L2HGDH: variants seen among roughly 807,000 people sequenced by gnomAD.
L2HGDH encodes the protein L-2-hydroxyglutarate dehydrogenase, also known as L-2-hydroxyglutarate dehydrogenase, mitochondrial.
L2HGDH carries 34 observed loss-of-function variants against 51.5 expected under a neutral mutation model. That is an observed-to-expected ratio of 0.66 (90% confidence interval 0.50 to 0.88). The LOEUF is 0.88. L2HGDH is among the 40% of genes least tolerant of loss of function. The pLI, the probability that L2HGDH is intolerant of heterozygous loss-of-function variation, is 0.00. For missense variants in L2HGDH, 558 were observed against 571.9 expected, an observed-to-expected ratio of 0.98 and a Z score of 0.25; for synonymous variants, 198 against 197.9, an observed-to-expected ratio of 1.00 and a Z score of -0.01.
At chr14:50,266,421 T>G (rs1208741519) in intron 8 of L2HGDH, among the ~76,000 whole-genome samples, 1 of 152,148 alleles carries the variant, frequency 6.6e-6, no homozygotes, top group Non-Finnish European at 1.5e-5. Flanking sequence ...GGCAGGTGGA[T>G]TGCTTGAGCC....
chr14:50,244,329 T>A lies in L2HGDH; in HGVS notation c.*2729A>T. 14 of 944,520 alleles carry A rather than the reference T, an allele frequency of 1.5e-5. No individual in the cohort carries two copies. Among genetic ancestry groups the A allele is most frequent in the Non-Finnish European group, 1.8e-5 (14 of 792,818 alleles). 58.5% of individuals were successfully genotyped at this position (944,520 alleles called of 1,614,324 possible). A position where few individuals can be genotyped will look rare whatever the true frequency, so the allele number is the denominator to read the frequency against. On this transcript the variant is annotated 3_prime_UTR_variant, in exon 10 of 10. Coordinates refer to ENST00000267436, the MANE Select transcript of L2HGDH (RefSeq NM_024884.3). ...GTAAAAGTGTTCCTATTTCTCCACA[T>A]CCTCTCCAGCACCTGTTGTTTCCTT...
At chr14:50,269,449 A>G (rs1889541262) in intron 6 of L2HGDH, 119 bp from the exon 7 acceptor site, 1 of 969,812 alleles carries the variant, frequency 1.0e-6, no homozygotes, top group African/African-American at 1.6e-5. Context: ...CTAAAAGAGG[A>G]TATTCAATAC....
chr14:50,282,365 C>T (rs1890322298), intron 5 of L2HGDH: 2 of 439,032 alleles, frequency 4.6e-6, no homozygotes, highest in Non-Finnish European at 9.1e-6. Flanking sequence ...CTCTTAGCTT[C>T]CACCTTCCTG....
intron 9 of L2HGDH, among the ~76,000 whole-genome samples, chr14:50,257,115 G>GT (rs1392187487): frequency 6.6e-6 from 1 of 152,012 alleles, no homozygotes; most frequent in Non-Finnish European, 1.5e-5. Context: ...TTTTAGTAAA[G>GT]ACGGGGTTTT....
intron 9 of L2HGDH, among the ~76,000 whole-genome samples, chr14:50,250,445 G>A (rs1888279622): frequency 6.6e-6 from 1 of 152,244 alleles, no homozygotes; most frequent in African/African-American, 2.4e-5. Context: ...ACTTTGTATT[G>A]TAGTGTGAGT....
intron 9 of L2HGDH, among the ~76,000 whole-genome samples, chr14:50,262,159 C>T (rs1016802599): frequency 2.0e-5 from 3 of 152,106 alleles, no homozygotes; most frequent in African/African-American, 7.2e-5. Context: ...CTTGGCCAGG[C>T]GCATTGGCTC....
intron 1 of L2HGDH, among the ~76,000 whole-genome samples, chr14:50,309,034 CT>C (rs2030896261): frequency 6.8e-6 from 1 of 147,330 alleles, no homozygotes; most frequent in South Asian, 2.2e-4. Context: ...TTTGAGAGTT[CT>C]TTATGTATTT....
At chr14:50,270,155 T>C (rs1056201542) in intron 6 of L2HGDH, among the ~76,000 whole-genome samples, 2 of 152,248 alleles carry the variant, frequency 1.3e-5, no homozygotes, top group South Asian at 2.1e-4. Flanking sequence ...GCACATTTAA[T>C]GAGAGCACAC....
At chr14:50,276,435 T>G (rs1197701537) in intron 6 of L2HGDH, among the ~76,000 whole-genome samples, 1 of 151,034 alleles carries the variant, frequency 6.6e-6, no homozygotes, top group African/African-American at 2.4e-5. Flanking sequence ...ATTCTTTTTT[T>G]ATTCCCATTG....
chr14:50,280,793 C>T (rs901828875), intron 5 of L2HGDH, among the ~76,000 whole-genome samples: 2 of 148,188 alleles, frequency 1.3e-5, no homozygotes, highest in African/African-American at 5.0e-5. Context: ...GGATTACAGG[C>T]GCGAGCCACT....
At chr14:50,283,089 T>C (rs1890366800) in intron 5 of L2HGDH, among the ~76,000 whole-genome samples, 1 of 151,778 alleles carries the variant, frequency 6.6e-6, no homozygotes, top group African/African-American at 2.4e-5. Context: ...TAGTTTCAGC[T>C]ACTTGGGCGG....
intron 8 of L2HGDH, among the ~76,000 whole-genome samples, chr14:50,267,487 T>C (rs889048267): frequency 6.6e-6 from 1 of 152,128 alleles, no homozygotes; most frequent in African/African-American, 2.4e-5. Context: ...CAGCCAGCCT[T>C]TTCTTTTTAA....
At chr14:50,302,569 A>G (rs2030474787) in intron 2 of L2HGDH, among the ~76,000 whole-genome samples, 1 of 152,132 alleles carries the variant, frequency 6.6e-6, no homozygotes, top group South Asian at 2.1e-4. Context: ...GAAATACTAC[A>G]TTGCTCCTCA....
At chr14:50,292,045 T>C (rs1209092849) in intron 4 of L2HGDH, among the ~76,000 whole-genome samples, 1 of 152,166 alleles carries the variant, frequency 6.6e-6, no homozygotes, top group Non-Finnish European at 1.5e-5. Context: ...TAAATAACAA[T>C]ACTATTAATG....
intron 4 of L2HGDH, chr14:50,293,156 G>A (rs2029869581): frequency 1.4e-6 from 1 of 692,692 alleles, no homozygotes; most frequent in East Asian, 2.7e-5. Flanking sequence ...TAGTAGCACA[G>A]AAGAGGCAAT....
At chr14:50,284,480 G>GA (rs1426047055) in intron 4 of L2HGDH, among the ~76,000 whole-genome samples, 2 of 109,468 alleles carry the variant, frequency 1.8e-5, no homozygotes, top group Non-Finnish European at 4.4e-5. Flanking sequence ...TAATAGCCTG[G>GA]ATTTTTTTGT....
rs34041934 is a variant in L2HGDH, at chr14:50,259,366, G to GTTTTTTTT, written c.1196+5984_1196+5991dup. Among the ~76,000 whole-genome samples, 2 of 130,696 alleles carry GTTTTTTTT rather than the reference G, an allele frequency of 1.5e-5. 1 individual carries two copies. 85.7% of individuals were successfully genotyped at this position (130,696 alleles called of 152,430 possible). The stretch of plus-strand genomic sequence containing the variant: ...TTCTTTCTGTTTTTTTTCTTTTTCG[G>GTTTTTTTT]TTTTTTTTTTTTTTTTTTCAGAAAT... On this transcript the variant is annotated intron_variant, in intron 9 of 9. Transcript: ENST00000267436.
intron 4 of L2HGDH, among the ~76,000 whole-genome samples, chr14:50,292,059 G>C (rs1187461320): frequency 6.6e-6 from 1 of 152,018 alleles, no homozygotes; most frequent in Non-Finnish European, 1.5e-5. Flanking sequence ...ATTAATGAGA[G>C]TATCAGAAAA....
chr14:50,310,709 A>T (rs1408025047), intron 1 of L2HGDH, among the ~76,000 whole-genome samples: 3 of 151,986 alleles, frequency 2.0e-5, no homozygotes, highest in East Asian at 3.9e-4. Context: ...GACTCCAAAA[A>T]TTTTTTAAAA....
Sources: allele counts gnomAD v4.1 joint callset (sites outside exome capture counted in the v4.1 genomes callset), GRCh38; gene constraint gnomAD v4.1.1; transcripts MANE v1.5; gene names NCBI Gene and HGNC (gene_info 2026-07-23, HGNC 2026-07-21).